MEIS2: variants seen among roughly 807,000 people sequenced by gnomAD.
The protein encoded by MEIS2 is homeobox protein Meis2.
MEIS2 carries 9 observed loss-of-function variants against 58.6 expected under a neutral mutation model. The ratio of observed to expected loss-of-function variants is 0.15; its 90% confidence interval spans 0.09 to 0.27. The LOEUF is 0.27. Among genes scored for constraint, MEIS2 ranks in the 10% least tolerant of loss-of-function variants. The pLI, the probability that MEIS2 is intolerant of heterozygous loss-of-function variation, is 1.00. For synonymous variants in MEIS2, 221 were observed against 228.4 expected, an observed-to-expected ratio of 0.97 and a Z score of 0.29; for missense variants, 427 against 635.0, an observed-to-expected ratio of 0.67 and a Z score of 3.52.
At chr15:36,964,145 A>G (rs1367430847) in intron 8 of MEIS2, among the ~76,000 whole-genome samples, 2 of 152,216 alleles carry the variant, frequency 1.3e-5, no homozygotes, top group Admixed American at 1.3e-4. Flanking sequence ...ATACTCCCCA[A>G]AGGACGAATG....
upstream of MEIS2, chr15:37,101,193 C>T (rs1363345716): frequency 6.6e-6 from 1 of 152,154 alleles, no homozygotes; most frequent in Non-Finnish European, 1.5e-5. Flanking sequence ...AGAGCACACT[C>T]CCTCCAAGCG....
chr15:37,072,549 T>C (rs1349305504), intron 7 of MEIS2, among the ~76,000 whole-genome samples: 2 of 152,142 alleles, frequency 1.3e-5, no homozygotes, highest in African/African-American at 2.4e-5. Context: ...AACCCAGTTG[T>C]TGCTCCATGC....
At chr15:37,076,525 G>A (rs924068797) in intron 7 of MEIS2, among the ~76,000 whole-genome samples, 2 of 151,828 alleles carry the variant, frequency 1.3e-5, no homozygotes, top group African/African-American at 4.8e-5. Context: ...CTGACTCTAG[G>A]GGACCCTCAC....
chr15:36,902,999 A>T (rs1383239975), intron 9 of MEIS2, among the ~76,000 whole-genome samples: 1 of 152,144 alleles, frequency 6.6e-6, no homozygotes, highest in Non-Finnish European at 1.5e-5. Context: ...TTATACATAA[A>T]AGAATTTTTA....
chr15:36,901,636 A>G (rs2056478152), intron 9 of MEIS2, among the ~76,000 whole-genome samples: 1 of 152,196 alleles, frequency 6.6e-6, no homozygotes, highest in Admixed American at 6.5e-5. Flanking sequence ...AGAATACTAG[A>G]TTTGCCTACA....
At chr15:36,939,334 T>A (rs1175039346) in intron 9 of MEIS2, among the ~76,000 whole-genome samples, 1 of 152,076 alleles carries the variant, frequency 6.6e-6, no homozygotes, top group African/African-American at 2.4e-5. Context: ...AGAAAAAAAA[T>A]CCCAAAGCAA....
chr15:36,910,546 T>C (rs1339145884), intron 9 of MEIS2, among the ~76,000 whole-genome samples: 2 of 152,198 alleles, frequency 1.3e-5, no homozygotes, highest in East Asian at 3.9e-4. Flanking sequence ...TCCTAATTTT[T>C]AACATAAATT....
chr15:37,000,245 C>T (rs1289560867), intron 8 of MEIS2, among the ~76,000 whole-genome samples: 1 of 152,056 alleles, frequency 6.6e-6, no homozygotes, highest in Non-Finnish European at 1.5e-5. Context: ...TTTTGAGAAA[C>T]AGAAGATTAG....
intron 8 of MEIS2, among the ~76,000 whole-genome samples, chr15:37,010,609 G>A (rs955413844): frequency 1.3e-5 from 2 of 152,144 alleles, no homozygotes; most frequent in Non-Finnish European, 2.9e-5. Flanking sequence ...GAACTCCTGG[G>A]CTCAAGCAAT....
In MEIS2 at chr15:37,013,368, C is replaced by T. The variant is rs188618739; in HGVS notation, c.900+23446G>A. Among the ~76,000 whole-genome samples, 259 of 152,042 alleles carry T rather than the reference C, an allele frequency of 1.7e-3. 1 individual carries two copies. Among genetic ancestry groups the T allele is most frequent in the Non-Finnish European group, 2.4e-3 (162 of 67,966 alleles). ...GATGGATCACCTGAAGTCAGAAGTT[C>T]AAGACTAGCCTGACCAACATGGTGA... On this transcript the variant is annotated intron_variant, in intron 8 of 11. Transcript: ENST00000561208.
intron 9 of MEIS2, among the ~76,000 whole-genome samples, chr15:36,926,771 T>C (rs908474794): frequency 1.3e-5 from 2 of 152,228 alleles, no homozygotes; most frequent in Admixed American, 1.3e-4. Context: ...CCTTTCTCTC[T>C]TTCTGGCTGA....
chr15:36,895,568 C>T (rs2056132233), intron 10 of MEIS2, among the ~76,000 whole-genome samples: 1 of 152,160 alleles, frequency 6.6e-6, no homozygotes, highest in Admixed American at 6.5e-5. Flanking sequence ...ACCCCATATA[C>T]AAATATTGCA....
intron 7 of MEIS2, among the ~76,000 whole-genome samples, chr15:37,046,037 G>A (rs886293371): frequency 1.3e-5 from 2 of 152,208 alleles, no homozygotes; most frequent in Admixed American, 6.5e-5. Context: ...CTTTTCAGGC[G>A]GTATAAGCAG....
intron 7 of MEIS2, among the ~76,000 whole-genome samples, chr15:37,040,074 GTA>G (rs901798461): frequency 2.8e-5 from 4 of 143,314 alleles, no homozygotes; most frequent in African/African-American, 7.7e-5. Flanking sequence ...TTAAGGCTGT[GTA>G]TGTGTGTGTG....
chr15:36,983,333 G>A (rs1285011191), intron 8 of MEIS2, among the ~76,000 whole-genome samples: 1 of 151,978 alleles, frequency 6.6e-6, no homozygotes, highest in Non-Finnish European at 1.5e-5. Flanking sequence ...TATATGTTAT[G>A]AGACATAGTT....
At chr15:36,950,483 T>C (rs1595790902) in intron 8 of MEIS2, 83 bp from the exon 9 acceptor site, 4 of 1,328,842 alleles carry the variant, frequency 3.0e-6, no homozygotes, top group Non-Finnish European at 4.3e-6. Flanking sequence ...CCACCGTTGG[T>C]GATTTCTTTA....
chr15:36,990,364 C>CT (rs2060232351), intron 8 of MEIS2, among the ~76,000 whole-genome samples: 1 of 151,314 alleles, frequency 6.6e-6, no homozygotes, highest in Admixed American at 6.6e-5. Context: ...AAAAAAAAAA[C>CT]TTTGTCTAAT....
At chr15:36,986,843 T>C (rs1484427336) in intron 8 of MEIS2, among the ~76,000 whole-genome samples, 1 of 152,238 alleles carries the variant, frequency 6.6e-6, no homozygotes, top group Non-Finnish European at 1.5e-5. Context: ...AATGCCTATG[T>C]TGAATGCTCT....
intron 7 of MEIS2, among the ~76,000 whole-genome samples, chr15:37,053,425 G>C (rs973223459): frequency 1.3e-5 from 2 of 152,258 alleles, no homozygotes; most frequent in East Asian, 3.9e-4. Context: ...ACTGGAGAGG[G>C]GCCAACTTCA....
Sources: gnomAD v4.1 joint callset for allele counts (sites outside exome capture counted in the v4.1 genomes callset) on GRCh38, gnomAD v4.1.1 for gene constraint, MANE v1.5 for transcripts, NCBI Gene and HGNC (gene_info 2026-07-23, HGNC 2026-07-21) for gene names.